Variants in PRIM2 observed in about 807,000 individuals in gnomAD.
The protein encoded by PRIM2 is DNA primase large subunit.
Under a neutral mutation model 67.3 loss-of-function variants are expected in PRIM2, and 39 were observed. The ratio of observed to expected loss-of-function variants is 0.58; its 90% CI spans 0.45 to 0.76. The LOEUF (loss-of-function observed/expected upper bound fraction) is 0.76, where lower values mean the gene tolerates loss of function less well. Ranked by LOEUF, PRIM2 falls within the 30% of genes least tolerant of loss-of-function variation. The probability of loss-of-function intolerance (pLI) is 0.00; values close to 1 mark genes in which losing one functional copy is unlikely to be tolerated. For missense variants in PRIM2, 398 were observed against 598.7 expected, an observed-to-expected ratio of 0.66 and a Z score of 3.50; for synonymous variants, 143 against 198.7, an observed-to-expected ratio of 0.72 and a Z score of 2.36.
chr6:57,453,558 G>A (rs1180502308), intron 7 of PRIM2, among the ~76,000 whole-genome samples: 2 of 152,024 alleles, frequency 1.3e-5, no homozygotes, highest in South Asian at 4.2e-4. Context: ...ATTGTGAATG[G>A]GAGTTCACTC....
intron 8 of PRIM2, among the ~76,000 whole-genome samples, chr6:57,507,954 TG>T (rs1774283545): frequency 6.6e-6 from 1 of 152,220 alleles, no homozygotes. Context: ...TTTTATTTTT[TG>T]AGATGGAATC....
In PRIM2 at chr6:57,460,908, C is replaced by T. The variant is rs1233936756; in HGVS notation, c.694-46479C>T. On this transcript the variant is annotated intron_variant, in intron 7 of 13. Coordinates refer to ENST00000615550, the MANE Select transcript of PRIM2 (RefSeq NM_000947.5). ...GAACGGTTCATAATATTGAGTGACT[C>T]TCTTGTCAGCTCTTTATTGATTAAT... Among the ~76,000 whole-genome samples, 84 of 152,288 alleles carry T rather than the reference C, an allele frequency of 5.5e-4. No individual in the cohort carries two copies. The South Asian group carries it at 0.017, about 30-fold the overall frequency.
intron 5 of PRIM2, among the ~76,000 whole-genome samples, chr6:57,340,111 A>G (rs1375283260): frequency 6.6e-6 from 1 of 152,246 alleles, no homozygotes; most frequent in African/African-American, 2.4e-5. Flanking sequence ...AAAAATGCTC[A>G]TGATCACTGG....
chr6:57,435,890 T>C (rs1771995876), intron 7 of PRIM2, among the ~76,000 whole-genome samples: 1 of 152,152 alleles, frequency 6.6e-6, no homozygotes, highest in Admixed American at 6.5e-5. Flanking sequence ...ATGGGGTATA[T>C]TATGTTTTTT....
In PRIM2 at chr6:57,637,041, G is replaced by A. The variant is rs1325875140; in HGVS notation, c.1299+4840G>A. 2.5e-3 allele frequency among the ~76,000 whole-genome samples: 374 copies of A among 152,310 alleles called. 3 individuals are homozygous for A. Among genetic ancestry groups the A allele is most frequent in the Non-Finnish European group, 4.3e-3 (293 of 68,014 alleles). On this transcript the variant is annotated intron_variant, in intron 13 of 13. Coordinates refer to ENST00000615550, the MANE Select transcript of PRIM2 (RefSeq NM_000947.5). The stretch of plus-strand genomic sequence containing the variant: ...CATCTGGTGGGTGCCCCTCTGGGAC[G>A]AAGCTTCCAGAGGAAGGAACAGGGC...
At chr6:57,475,833 A>G (rs1773465050) in intron 7 of PRIM2, among the ~76,000 whole-genome samples, 1 of 152,240 alleles carries the variant, frequency 6.6e-6, no homozygotes, top group Non-Finnish European at 1.5e-5. Context: ...ATACAAACGT[A>G]AGAGACATGG....
chr6:57,268,424 C>A, the PRIM2 span, among the ~76,000 whole-genome samples: 27 of 151,936 alleles, frequency 1.8e-4, no homozygotes, highest in African/African-American at 6.5e-4. Context: ...TTTAAAATAT[C>A]ACATGACATC....
chr6:57,398,288 G>T (rs994189428), intron 7 of PRIM2, among the ~76,000 whole-genome samples: 10 of 151,940 alleles, frequency 6.6e-5, no homozygotes, highest in Non-Finnish European at 1.2e-4. Context: ...TGGCTATTTA[G>T]TGCTATGAAT....
At chr6:57,249,370 A>G in the PRIM2 span, among the ~76,000 whole-genome samples, 3 of 152,218 alleles carry the variant, frequency 2.0e-5, no homozygotes, top group African/African-American at 7.2e-5. Flanking sequence ...TGAGGGTAAG[A>G]ATAGCATAGA....
the PRIM2 span, among the ~76,000 whole-genome samples, chr6:57,229,731 C>T: frequency 6.6e-6 from 1 of 152,168 alleles, no homozygotes. Flanking sequence ...ACCTCGTGAT[C>T]CGTGCACCTT....
intron 7 of PRIM2, among the ~76,000 whole-genome samples, chr6:57,408,378 C>T (rs550434153): frequency 1.5e-3 from 222 of 152,208 alleles, no homozygotes; most frequent in African/African-American, 5.0e-3. Context: ...CTGGAGGAGA[C>T]GGTGTCTGAT....
At chr6:57,559,488 C>T (rs1775586960) in intron 10 of PRIM2, among the ~76,000 whole-genome samples, 1 of 152,194 alleles carries the variant, frequency 6.6e-6, no homozygotes, top group Admixed American at 6.5e-5. Flanking sequence ...TTCCATCTGA[C>T]TGATTTCACA....
intron 12 of PRIM2, among the ~76,000 whole-genome samples, chr6:57,618,787 TC>T (rs1776798472): frequency 6.7e-6 from 1 of 148,564 alleles, no homozygotes; most frequent in African/African-American, 2.5e-5. Flanking sequence ...CCAAGGAGAG[TC>T]TTTGCTCAGA....
chr6:57,438,231 G>A lies in PRIM2; in HGVS notation c.693+56063G>A, dbSNP rs1440997839. On this transcript the variant is annotated intron_variant, in intron 7 of 13. Coordinates refer to ENST00000615550, the MANE Select transcript of PRIM2 (RefSeq NM_000947.5). ...AAATTCACTTTTTAATATTGTATCTGTGATGAGTTTTCTCTGCAACAATGT... is the reference window on the plus strand; with the variant it reads ...AAATTCACTTTTTAATATTGTATCTATGATGAGTTTTCTCTGCAACAATGT... Among the ~76,000 whole-genome samples, 19 of 152,098 alleles carry A rather than the reference G, an allele frequency of 1.2e-4. No individual in the cohort carries two copies. The South Asian group carries it at 1.9e-3, about 15-fold the overall frequency.
At chr6:57,514,667 G>C (rs1469237295) in intron 8 of PRIM2, among the ~76,000 whole-genome samples, 2 of 151,952 alleles carry the variant, frequency 1.3e-5, no homozygotes, top group African/African-American at 4.8e-5. Context: ...TTTCACATCT[G>C]TATGGAAAAT....
At chr6:57,294,922 T>C in the PRIM2 span, among the ~76,000 whole-genome samples, 4 of 152,018 alleles carry the variant, frequency 2.6e-5, no homozygotes, top group African/African-American at 9.7e-5. Flanking sequence ...GCAGTTCTCC[T>C]GCCTCAGCCT....
At chr6:57,389,329 G>A (rs1189393209) in intron 7 of PRIM2, among the ~76,000 whole-genome samples, 1 of 152,034 alleles carries the variant, frequency 6.6e-6, no homozygotes, top group Non-Finnish European at 1.5e-5. Context: ...TGCCTGGGTT[G>A]GTCTAGAACT....
intron 10 of PRIM2, among the ~76,000 whole-genome samples, chr6:57,589,470 G>A (rs1310949557): frequency 3.3e-5 from 5 of 151,992 alleles, no homozygotes; most frequent in Non-Finnish European, 7.4e-5. Flanking sequence ...AAAGCTGGGA[G>A]GGGAATATGG....
At chr6:57,366,591 A>G (rs556648650) in intron 5 of PRIM2, among the ~76,000 whole-genome samples, 31 of 152,250 alleles carry the variant, frequency 2.0e-4, no homozygotes, top group Admixed American at 1.6e-3. Context: ...GATCATCCAT[A>G]TGGGTGTAGC....
Sources: gnomAD v4.1 joint callset for allele counts (sites outside exome capture counted in the v4.1 genomes callset) on GRCh38, gnomAD v4.1.1 for gene constraint, MANE v1.5 for transcripts, NCBI Gene and HGNC (gene_info 2026-07-23, HGNC 2026-07-21) for gene names.